The following LIPH variants were observed in gnomAD, a reference collection of about 807,000 sequenced individuals.
LIPH encodes the protein lipase member H.
LIPH carries 32 observed loss-of-function variants against 47.6 expected under a neutral mutation model. The ratio of observed to expected loss-of-function variants is 0.67; its 90% confidence interval spans 0.51 to 0.90. LIPH has a LOEUF of 0.90. Ranked by LOEUF, LIPH falls within the 40% of genes least tolerant of loss-of-function variation. The pLI is 0.00. For synonymous variants in LIPH, 190 were observed against 195.6 expected, an observed-to-expected ratio of 0.97 and a Z score of 0.24; for missense variants, 497 against 541.4, an observed-to-expected ratio of 0.92 and a Z score of 0.81.
chr3:185,531,862 C>T (rs956270357), intron 3 of LIPH, among the ~76,000 whole-genome samples: 5 of 152,028 alleles, frequency 3.3e-5, no homozygotes, highest in Admixed American at 1.3e-4. Flanking sequence ...TTTTTTGAGA[C>T]AGGATCTCAC....
chr3:185,543,846 CTTTT>C (rs57080060), intron 1 of LIPH, among the ~76,000 whole-genome samples: 23 of 108,700 alleles, frequency 2.1e-4, no homozygotes, highest in Non-Finnish European at 2.6e-4. Flanking sequence ...CTGGCTCTTG[CTTTT>C]TTTTTTTTTT....
intron 1 of LIPH, among the ~76,000 whole-genome samples, chr3:185,541,243 A>G (rs1261993987): frequency 6.6e-6 from 1 of 152,104 alleles, no homozygotes; most frequent in South Asian, 2.1e-4. Context: ...CTCATTCTCT[A>G]CCAAGAAAAA....
intron 1 of LIPH, among the ~76,000 whole-genome samples, chr3:185,540,560 A>C (rs1341741883): frequency 6.6e-6 from 1 of 152,072 alleles, no homozygotes; most frequent in Non-Finnish European, 1.5e-5. Context: ...TCTACTAAAA[A>C]TACAAAAATT....
intron 5 of LIPH, among the ~76,000 whole-genome samples, chr3:185,520,466 G>A (rs1477461632): frequency 3.3e-5 from 5 of 151,512 alleles, no homozygotes; most frequent in African/African-American, 9.7e-5. Flanking sequence ...GCAGTGAGCC[G>A]AGATCGAGCC....
At chr3:185,516,823 A>T (rs1326916296) in intron 7 of LIPH, among the ~76,000 whole-genome samples, 1 of 152,224 alleles carries the variant, frequency 6.6e-6, no homozygotes, top group Non-Finnish European at 1.5e-5. Flanking sequence ...CTAATATCCC[A>T]GAATACAGGC....
chr3:185,549,315 CAT>C (rs1391716854), intron 1 of LIPH, among the ~76,000 whole-genome samples: 1 of 152,062 alleles, frequency 6.6e-6, no homozygotes, highest in Non-Finnish European at 1.5e-5. Flanking sequence ...ATTTCTGAAT[CAT>C]GTGCATAAAT....
chr3:185,521,414 T>G (rs926944443), intron 5 of LIPH, among the ~76,000 whole-genome samples: 1 of 152,202 alleles, frequency 6.6e-6, no homozygotes, highest in Admixed American at 6.5e-5. Context: ...CTGAAACCCC[T>G]CTGCTTTATT....
rs1481802962 is a variant in LIPH, at chr3:185,506,936, CAT to C, written c.*1852_*1853del. 6.7e-6 allele frequency: 1 copy of C among 148,824 alleles called. No individual in the cohort carries two copies. Among genetic ancestry groups the C allele is most frequent in the Non-Finnish European group, 1.5e-5 (1 of 67,594 alleles). The allele number at this position is 148,824 out of a possible 1,614,324, so 9.2% of individuals were successfully genotyped here. On this transcript the variant is annotated 3_prime_UTR_variant, in exon 10 of 10. Transcript: ENST00000296252. ...TGAGAAGGAGGAGGAAGGATGGTAA[CAT>C]GTCCAAGAGCTTGTTCCACTCAGAG...
intron 4 of LIPH, among the ~76,000 whole-genome samples, chr3:185,525,133 C>G (rs1326941939): frequency 6.6e-6 from 1 of 151,920 alleles, no homozygotes; most frequent in Admixed American, 6.6e-5. Flanking sequence ...GAGGATCACT[C>G]GAGCTAGGAG....
intron 3 of LIPH, among the ~76,000 whole-genome samples, chr3:185,529,906 A>AAAAG (rs1180211034): frequency 0.018 from 2,214 of 122,706 alleles, 61 homozygotes; most frequent in African/African-American, 0.041. Context: ...AGAGAGAAAG[A>AAAAG]AAAGAAAGAA....
intron 8 of LIPH, among the ~76,000 whole-genome samples, chr3:185,512,452 C>T (rs1349745186): frequency 6.7e-6 from 1 of 149,244 alleles, no homozygotes; most frequent in African/African-American, 2.5e-5. Context: ...GAGCCCCTGG[C>T]TTTGGGAACA....
chr3:185,535,234 A>C, intron 1 of LIPH, 102 bp from the exon 2 acceptor site: 1 of 1,365,806 alleles, frequency 7.3e-7, no homozygotes, highest in Admixed American at 1.7e-5. Context: ...TATGTTCCTG[A>C]TAGGACCTGG....
At chr3:185,511,339 A>G (rs542768650) in intron 9 of LIPH, among the ~76,000 whole-genome samples, 185 bp downstream of exon 9, 37 of 152,236 alleles carry the variant, frequency 2.4e-4, no homozygotes, top group African/African-American at 8.9e-4. Context: ...TGCTGAGATT[A>G]TAGGCTTGAG....
chr3:185,517,241 G>C (rs888308422), intron 6 of LIPH, 79 bp from the exon 7 acceptor site: 2 of 807,328 alleles, frequency 2.5e-6, no homozygotes, highest in South Asian at 1.4e-5. Flanking sequence ...CAAGAACATT[G>C]AGTTTGACTG....
At chr3:185,517,308 T>C (rs1719758094) in intron 6 of LIPH, 146 bp from the exon 7 acceptor site, 1 of 639,242 alleles carries the variant, frequency 1.6e-6, no homozygotes, top group Non-Finnish European at 2.8e-6. Flanking sequence ...GGTGAGGGCC[T>C]GCAGGGTGAC....
intron 1 of LIPH, among the ~76,000 whole-genome samples, chr3:185,539,072 G>A (rs766969665): frequency 1.3e-5 from 2 of 151,440 alleles, no homozygotes; most frequent in Non-Finnish European, 2.9e-5. Context: ...CCAGGTTCAA[G>A]TGATTCCCCT....
intron 9 of LIPH, among the ~76,000 whole-genome samples, chr3:185,509,977 C>T (rs1277601837): frequency 2.3e-4 from 33 of 141,198 alleles, no homozygotes; most frequent in Admixed American, 2.1e-3. Context: ...GACAGGGTCT[C>T]ACTCTGTCAC....
Position 185,533,724 on chromosome 3 carries a change from G to C in LIPH, c.418-45C>G, listed in dbSNP as rs377686360. On this transcript the variant is annotated intron_variant, in intron 2 of 9. Transcript: ENST00000296252. ...ATCATTGTAAATTGTAAGGGGCCAAGGAATTAACATTTGTAGAAATTTCCT... is the reference window on the plus strand; with the variant it reads ...ATCATTGTAAATTGTAAGGGGCCAACGAATTAACATTTGTAGAAATTTCCT... 4.1e-6 allele frequency: 5 copies of C among 1,232,492 alleles called. No individual in the cohort carries two copies. In the African/African-American group the frequency reaches 7.4e-5, roughly 18 times the overall value. The allele number at this position is 1,232,492 out of a possible 1,614,324, so 76.3% of individuals were successfully genotyped here.
intron 1 of LIPH, among the ~76,000 whole-genome samples, chr3:185,551,151 A>G (rs1217385195): frequency 6.6e-6 from 1 of 152,134 alleles, no homozygotes; most frequent in Non-Finnish European, 1.5e-5. Flanking sequence ...TCCAGCCTGG[A>G]TGACAGAGCA....
Sources: gnomAD v4.1 joint callset for allele counts (sites outside exome capture counted in the v4.1 genomes callset) on GRCh38, gnomAD v4.1.1 for gene constraint, MANE v1.5 for transcripts, NCBI Gene and HGNC (gene_info 2026-07-23, HGNC 2026-07-21) for gene names.